DAPL1: variants seen among roughly 807,000 people sequenced by gnomAD.
The protein encoded by DAPL1 is death associated protein like 1.
DAPL1 carries 17 observed loss-of-function variants against 12.9 expected under a neutral mutation model. That is an observed-to-expected ratio of 1.32 (90% CI 0.90 to 1.98). The LOEUF is 1.98. Ranked by LOEUF, DAPL1 falls within the 30% of genes most tolerant of loss-of-function variation. The pLI is 0.00. For missense variants in DAPL1, 157 were observed against 125.7 expected (o/e 1.25, Z -1.19); for synonymous variants, 51 against 42.0 (o/e 1.21, Z -0.82).
At chr2:158,809,436 T>G (rs1373709478) in intron 3 of DAPL1, among the ~76,000 whole-genome samples, 1 of 151,716 alleles carries the variant, frequency 6.6e-6, no homozygotes, top group Non-Finnish European at 1.5e-5. Flanking sequence ...CAGTGTTTAG[T>G]GGAGTAGGAC....
chr2:158,805,484 C>CTGTAGACGGTTCATTTTACGAA (rs1553492633), intron 2 of DAPL1, among the ~76,000 whole-genome samples: 1 of 149,778 alleles, frequency 6.7e-6, no homozygotes, highest in Non-Finnish European at 1.5e-5. Flanking sequence ...TATCAGACTG[C>CTGTAGACGGTTCATTTTACGAA]GATTGAATTG....
intron 3 of DAPL1, 105 bp downstream of exon 3, chr2:158,807,220 G>T: frequency 1.4e-6 from 1 of 693,080 alleles, no homozygotes; most frequent in Non-Finnish European, 2.3e-6. Flanking sequence ...CCAACCCAGA[G>T]GTTTGAGGTC....
chr2:158,809,828 A>G (rs1224060761), intron 3 of DAPL1, among the ~76,000 whole-genome samples: 1 of 152,224 alleles, frequency 6.6e-6, no homozygotes, highest in Non-Finnish European at 1.5e-5. Context: ...GAACATTGGT[A>G]GAATCCATGT....
chr2:158,797,223 A>C (rs571033762), intron 1 of DAPL1, among the ~76,000 whole-genome samples: 1 of 152,284 alleles, frequency 6.6e-6, no homozygotes, highest in African/African-American at 2.4e-5. Context: ...TTCGAGCCTG[A>C]GTTTCCTCAT....
Position 158,815,733 on chromosome 2 carries a change from A to T in DAPL1, c.236A>T (p.His79Leu). 12 of 1,613,876 alleles carry T rather than the reference A, an allele frequency of 7.4e-6. No individual in the cohort carries two copies. Among genetic ancestry groups the T allele is most frequent in the Non-Finnish European group, 1.0e-5 (12 of 1,179,718 alleles). ...AACTATAAATTTCCAGCAACAGTGC[A>T]CATGGCGCATCAAAAACCCACACCT... ...KLNYKFPATV[H>L]MAHQKPTPAL... is the part of the protein sequence containing the mutation. The change falls in exon 4 of 4, where the codon CAC (histidine) becomes CTC (leucine). Residue 79 changes from histidine (H) to leucine (L), a missense_variant. Physicochemically the swap from His to Leu is moderately conservative, Grantham distance 99. Transcript: ENST00000309950.
chr2:158,802,729 A>G (rs1575225971), intron 1 of DAPL1, among the ~76,000 whole-genome samples: 1 of 152,236 alleles, frequency 6.6e-6, no homozygotes, highest in East Asian at 1.9e-4. Context: ...CCTACTCTGT[A>G]ATGGAATTGT....
Position 158,815,789 on chromosome 2 carries a change from A to G in DAPL1, c.292A>G (p.Ile98Val). 1 of 1,613,794 alleles carries G rather than the reference A, an allele frequency of 6.2e-7. No homozygotes were observed. ...ALEKVVPLKR[I>V]YIIQQPRKC ...GGAAAAGGTTGTTCCACTGAAAAGG[A>G]TCTACATTATTCAGCAGCCTCGAAA... The change falls in exon 4 of 4, where the codon ATC becomes GTC. Residue 98 changes from isoleucine to valine, a missense_variant. Ile to Val is a conservative substitution (Grantham distance 29). Transcript: ENST00000309950.
chr2:158,795,436 CT>C lies in DAPL1; in HGVS notation c.58+7del, dbSNP rs2059129613. The C allele has an allele frequency of 6.4e-7, 1 of 1,553,624 alleles. No individual in the cohort carries two copies. The highest frequency in any genetic ancestry group is 8.7e-7 in the Non-Finnish European group (1 of 1,148,056). On this transcript the variant is annotated splice_region_variant and intron_variant, in intron 1 of 3. Transcript: ENST00000309950. ...AGGGGGACATCCTCCTGCAGGTAGGCTGCCACCTGCCCTCAGTCCTGCAGGC... is the reference window on the plus strand; with the variant it reads ...AGGGGGACATCCTCCTGCAGGTAGGCGCCACCTGCCCTCAGTCCTGCAGGC...
At chr2:158,802,582 A>T (rs1186590575) in intron 1 of DAPL1, among the ~76,000 whole-genome samples, 1 of 152,224 alleles carries the variant, frequency 6.6e-6, no homozygotes, top group Non-Finnish European at 1.5e-5. Context: ...GGTTTTCTTT[A>T]CATCAGTAGA....
rs2059221686 is a variant in DAPL1, at chr2:158,809,921, G to A, written c.207+2806G>A. Among the ~76,000 whole-genome samples, 3 of 152,202 alleles carry A rather than the reference G, an allele frequency of 2.0e-5. No homozygotes were observed. The South Asian group carries it at 6.2e-4, about 32-fold the overall frequency. Reference sequence around the variant, plus strand: ...AAGATTTCACAATAAAGGTCAACCTGGGGTTGACACCTGCTGACCACTAGA... The same window carrying A: ...AAGATTTCACAATAAAGGTCAACCTAGGGTTGACACCTGCTGACCACTAGA... On this transcript the variant is annotated intron_variant, in intron 3 of 3. Coordinates refer to ENST00000309950, the MANE Select transcript of DAPL1 (RefSeq NM_001017920.3).
intron 3 of DAPL1, among the ~76,000 whole-genome samples, chr2:158,809,856 A>T (rs2059221437): frequency 6.6e-6 from 1 of 152,200 alleles, no homozygotes; most frequent in Non-Finnish European, 1.5e-5. Flanking sequence ...TATAGCTAAG[A>T]AAAATCTCAC....
intron 1 of DAPL1, among the ~76,000 whole-genome samples, chr2:158,800,991 C>A (rs953321679): frequency 6.6e-6 from 1 of 152,120 alleles, no homozygotes; most frequent in Non-Finnish European, 1.5e-5. Context: ...TACCGGCAAT[C>A]GCCACCACAC....
At chr2:158,813,156 T>C (rs1472434587) in intron 3 of DAPL1, among the ~76,000 whole-genome samples, 1 of 152,196 alleles carries the variant, frequency 6.6e-6, no homozygotes, top group African/African-American at 2.4e-5. Context: ...TGAATGATTC[T>C]ACCTATGGGA....
rs747627945 is a variant in DAPL1 at position 158,806,715 on chromosome 2, A to G, written c.147-340A>G. On this transcript the variant is annotated intron_variant, in intron 2 of 3. Coordinates refer to ENST00000309950, the MANE Select transcript of DAPL1 (RefSeq NM_001017920.3). ...ACCAGGCATGGTGGTGCATGCCTGT[A>G]ATCCCAGCTACTTGGGAGGCTGAGG... Among the ~76,000 whole-genome samples, 49 of 152,122 alleles carry G rather than the reference A, an allele frequency of 3.2e-4. No individual in the cohort carries two copies. In the Middle Eastern group the frequency reaches 0.024, roughly 74 times the overall value.
At chr2:158,801,990 A>G (rs2059170234) in intron 1 of DAPL1, among the ~76,000 whole-genome samples, 1 of 152,248 alleles carries the variant, frequency 6.6e-6, no homozygotes, top group Non-Finnish European at 1.5e-5. Flanking sequence ...AATGGCTTCT[A>G]AAACACAGAA....
chr2:158,810,694 A>G (rs145753041), intron 3 of DAPL1, among the ~76,000 whole-genome samples: 45 of 151,960 alleles, frequency 3.0e-4, no homozygotes, highest in Non-Finnish European at 6.0e-4. Context: ...ACCCTACCTC[A>G]TTTCTGCTTT....
intron 1 of DAPL1, among the ~76,000 whole-genome samples, chr2:158,800,864 G>A (rs1441130798): frequency 6.6e-6 from 1 of 151,956 alleles, no homozygotes; most frequent in Non-Finnish European, 1.5e-5. Flanking sequence ...TTTTTAGACA[G>A]AATCTCACTC....
In DAPL1 at chr2:158,815,853, C is replaced by T. The variant is rs768408451; in HGVS notation, c.*32C>T. 6.7e-7 allele frequency: 1 copy of T among 1,493,850 alleles called. No homozygotes were observed. Among genetic ancestry groups the T allele is most frequent in the Admixed American group, 1.7e-5 (1 of 59,828 alleles). 92.5% of individuals were successfully genotyped at this position (1,493,850 alleles called of 1,614,324 possible). A position where few individuals can be genotyped will look rare whatever the true frequency, so the allele number is the denominator to read the frequency against. ...ATTTAAAACACAGCCGTCTGGCCAGCTGCCTCGAATATCTGACAGCTTAGC... is the reference window on the plus strand; with the variant it reads ...ATTTAAAACACAGCCGTCTGGCCAGTTGCCTCGAATATCTGACAGCTTAGC... On this transcript the variant is annotated 3_prime_UTR_variant, in exon 4 of 4. Transcript: ENST00000309950.
intron 3 of DAPL1, among the ~76,000 whole-genome samples, chr2:158,813,144 A>G (rs72995188): frequency 0.065 from 9,931 of 152,280 alleles, 765 homozygotes; most frequent in African/African-American, 0.19. Context: ...AAGGACAAAT[A>G]TTGAATGATT....
Sources: allele counts gnomAD v4.1 joint callset (sites outside exome capture counted in the v4.1 genomes callset), GRCh38; gene constraint gnomAD v4.1.1; transcripts MANE v1.5; gene names NCBI Gene and HGNC (gene_info 2026-07-23, HGNC 2026-07-21).